C15orf39: variants seen among roughly 807,000 people sequenced by gnomAD.
C15orf39 encodes PRMT2 interacting protein, also known as uncharacterized protein C15orf39.
In C15orf39, 24 loss-of-function variants were observed where a neutral mutation model predicts 53.9. The ratio of observed to expected loss-of-function variants is 0.45; its 90% confidence interval spans 0.32 to 0.63. The LOEUF is 0.63. C15orf39 is among the 20% of genes least tolerant of loss of function. C15orf39 has a pLI of 0.04. For synonymous variants in C15orf39, 569 were observed against 576.5 expected, an observed-to-expected ratio of 0.99 and a Z score of 0.19; for missense variants, 1,271 against 1,347.9, an observed-to-expected ratio of 0.94 and a Z score of 0.89.
At position 75,207,752 on chromosome 15, in the gene C15orf39, TAAG is replaced by T. The variant is rs767899006; in HGVS notation, c.1705_1707del (p.Lys569del). 29 of 1,609,234 alleles carry T rather than the reference TAAG, an allele frequency of 1.8e-5. No homozygotes were observed. The highest frequency in any genetic ancestry group is 6.7e-5 in the East Asian group (3 of 44,804). On this transcript the variant is annotated inframe_deletion, in exon 2 of 3. Transcript: ENST00000394987. ...GGAGTAAACCCCTAAGGGGCTCACT[TAAG>T]GAGGAGGTAGCCCTGGATTTGAGTG...
intron 1 of C15orf39, among the ~76,000 whole-genome samples, chr15:75,205,699 G>T (rs973477248): frequency 2.0e-5 from 3 of 152,120 alleles, no homozygotes; most frequent in Non-Finnish European, 2.9e-5. Context: ...GCAGGCACCT[G>T]TGGTCCCAGC....
At chr15:75,208,953 G>A in intron 2 of C15orf39, 129 bp downstream of exon 2, 1 of 1,426,442 alleles carries the variant, frequency 7.0e-7, no homozygotes, top group South Asian at 1.5e-5. Context: ...GGGGCTTTAG[G>A]ATGAGCTCTA....
chr15:75,207,536 C>G lies in C15orf39; in HGVS notation c.1488C>G (p.Ser496Arg). The G allele has an allele frequency of 3.7e-6, 6 of 1,611,022 alleles. No individual in the cohort carries two copies. Among genetic ancestry groups the G allele is most frequent in the Non-Finnish European group, 4.2e-6 (5 of 1,178,978 alleles). Residue 496 changes from serine (S) to arginine (R), a missense_variant, in exon 2 of 3, where the codon AGC becomes AGG. Ser to Arg is a moderately radical substitution (Grantham distance 110). Around this residue, in one of 2 missense-constraint regions of C15orf39, gnomAD observed 994 missense variants for 993.7 expected, o/e 1.00. Transcript: ENST00000394987. ...LPQKEGARPP[S>R]SPPMPVIDNV... ...AGAAGGAGGGCGCAAGGCCACCCAG[C>G]TCTCCACCAATGCCTGTCATTGACA...
At chr15:75,208,986 C>G in intron 2 of C15orf39, 162 bp downstream of exon 2, 7 of 1,240,172 alleles carry the variant, frequency 5.6e-6, no homozygotes, top group East Asian at 2.6e-5. Context: ...CCTTGACCCT[C>G]CAGACAATCA....
At chr15:75,210,681 C>G in intron 2 of C15orf39, 68 bp from the exon 3 acceptor site, 1 of 1,526,236 alleles carries the variant, frequency 6.6e-7, no homozygotes, top group Non-Finnish European at 8.8e-7. Context: ...GTTTGGATGG[C>G]TTTGGAAGCC....
At position 75,208,213 on chromosome 15, in the gene C15orf39, C is replaced by T. The variant is rs3180088; in HGVS notation, c.2165C>T (p.Ala722Val). Residue 722 changes from alanine to valine, a missense_variant, in exon 2 of 3, where the codon GCT becomes GTT. Ala to Val is a moderately conservative substitution (Grantham distance 64). Transcript: ENST00000394987. Reference protein sequence around the residue: ...PAVAVASPAPAPAPSPAPARA... With the variant: ...PAVAVASPAPVPAPSPAPARA... ...GTAGCTGTGGCCTCCCCTGCCCCTG[C>T]TCCAGCTCCATCCCCTGCTCCGGCT... 9 of 1,613,492 alleles carry T rather than the reference C, an allele frequency of 5.6e-6. No individual in the cohort carries two copies. Among genetic ancestry groups the T allele is most frequent in the Non-Finnish European group, 5.9e-6 (7 of 1,179,914 alleles).
At chr15:75,210,599 A>G in intron 2 of C15orf39, 150 bp from the exon 3 acceptor site, 2 of 1,163,430 alleles carry the variant, frequency 1.7e-6, no homozygotes, top group Non-Finnish European at 2.4e-6. Context: ...TTTTGCTTGG[A>G]TGGTCTGGCC....
intron 2 of C15orf39, among the ~76,000 whole-genome samples, chr15:75,210,007 C>G (rs2070472206): frequency 6.6e-6 from 1 of 152,172 alleles, no homozygotes; most frequent in Non-Finnish European, 1.5e-5. Context: ...GCTGGGCTGC[C>G]CAGCTCAGTC....
chr15:75,205,994 C>T lies in C15orf39; in HGVS notation c.-50-5C>T, dbSNP rs991436850. The T allele has an allele frequency of 1.0e-5, 15 of 1,475,150 alleles. No individual in the cohort carries two copies. The highest frequency in any genetic ancestry group is 3.6e-4 in the Middle Eastern group (2 of 5,558). The allele number at this position is 1,475,150 out of a possible 1,614,324, so 91.4% of individuals were successfully genotyped here. ...ACAGCCCCTGCCTTTCTCTCTCTAT[C>T]CCAGGTCAGAAGTTGAGTAGCAGGG... is the stretch of plus-strand genomic sequence containing the variant. On this transcript the variant is annotated splice_region_variant and splice_polypyrimidine_tract_variant and intron_variant, in intron 1 of 2. Transcript: ENST00000394987.
rs748067403 is a variant in C15orf39 at position 75,207,490 on chromosome 15, G to A, written c.1442G>A (p.Arg481Gln). Residue 481 changes from arginine (R) to glutamine (Q), a missense_variant, in exon 2 of 3, where the codon CGG becomes CAG. This residue lies in a region of C15orf39 where 994 missense variants were observed against 993.7 expected (regional missense o/e 1.00). Transcript: ENST00000394987. ...CTPPALPPCA[R>Q]ECQSLPQKEG... ...CCCCCAGCACTGCCCCCCTGTGCCC[G>A]GGAGTGCCAGTCTCTTCCACAGAAG... The A allele has an allele frequency of 9.9e-6, 16 of 1,613,336 alleles. No homozygotes were observed. The highest frequency in any genetic ancestry group is 3.3e-4 in the Middle Eastern group (2 of 6,060).
rs1313378513 is a variant in C15orf39 at position 75,208,368 on chromosome 15, C to T, written c.2320C>T (p.Leu774=). The change falls in exon 2 of 3, where the codon CTG becomes TTG. Residue 774 remains leucine, a synonymous_variant. Coordinates refer to ENST00000394987, the MANE Select transcript of C15orf39 (RefSeq NM_015492.5). The part of the protein sequence containing the change: ...EQHFTGLHAS[L]CDAISGSVAH... Reference sequence around the variant, plus strand: ...GCATTTTACAGGACTACATGCGTCCCTGTGTGATGCTATTTCTGGCTCCGT... The same window carrying T: ...GCATTTTACAGGACTACATGCGTCCTTGTGTGATGCTATTTCTGGCTCCGT... 6 of 1,595,240 alleles carry T rather than the reference C, an allele frequency of 3.8e-6. No individual in the cohort carries two copies. In the East Asian group the frequency reaches 1.4e-4, roughly 36 times the overall value.
At chr15:75,204,746 A>G (rs2070426745) in intron 1 of C15orf39, among the ~76,000 whole-genome samples, 1 of 152,130 alleles carries the variant, frequency 6.6e-6, no homozygotes, top group Non-Finnish European at 1.5e-5. Flanking sequence ...CTGACCTCAA[A>G]TGATCCGCAC....
chr15:75,200,755 C>T (rs961608592), upstream of C15orf39, among the ~76,000 whole-genome samples: 5 of 152,120 alleles, frequency 3.3e-5, no homozygotes, highest in African/African-American at 9.7e-5. Context: ...GTGTCTCTCC[C>T]TATATGGTTC....
rs770613916 is a variant in C15orf39 at position 75,206,159 on chromosome 15, C to G, written c.111C>G (p.Asn37Lys). ...ACAGCCTGCCCCACTCTGTTGGTAACCAGGATCCCTGCACCTACAAGGGGT... is the reference window on the plus strand; with the variant it reads ...ACAGCCTGCCCCACTCTGTTGGTAAGCAGGATCCCTGCACCTACAAGGGGT... ...LEHSLPHSVG[N>K]QDPCTYKGSY... The change falls in exon 2 of 3, where the codon AAC (asparagine) becomes AAG (lysine). Residue 37 changes from asparagine to lysine, a missense_variant. Physicochemically the swap from Asn to Lys is moderately conservative, Grantham distance 94. This residue lies in a region of C15orf39 where 994 missense variants were observed against 993.7 expected (regional missense o/e 1.00). Coordinates refer to ENST00000394987, the MANE Select transcript of C15orf39 (RefSeq NM_015492.5). 3.1e-6 allele frequency: 5 copies of G among 1,613,926 alleles called. No homozygotes were observed. The highest frequency in any genetic ancestry group is 1.1e-5 in the South Asian group (1 of 91,082).
chr15:75,208,103 A>G lies in C15orf39; in HGVS notation c.2055A>G (p.Thr685=), dbSNP rs763068963. ...CCACACAGCCTGCACCCACCCCCAC[A>G]TCTGGGCCCATTGGACTGCGGATTC... ...PAPTQPAPTP[T]SGPIGLRILA... Residue 685 remains threonine (T), a synonymous_variant, in exon 2 of 3, where the codon ACA becomes ACG. Coordinates refer to ENST00000394987, the MANE Select transcript of C15orf39 (RefSeq NM_015492.5). 7.4e-6 allele frequency: 12 copies of G among 1,613,738 alleles called. 1 individual carries two copies. Among genetic ancestry groups the G allele is most frequent in the Non-Finnish European group, 8.5e-6 (10 of 1,179,954 alleles).
At chr15:75,202,746 C>T (rs2070413088) in intron 1 of C15orf39, among the ~76,000 whole-genome samples, 1 of 151,992 alleles carries the variant, frequency 6.6e-6, no homozygotes, top group Non-Finnish European at 1.5e-5. Flanking sequence ...TCTGGAATGG[C>T]GTGTGTGCAG....
upstream of C15orf39, among the ~76,000 whole-genome samples, chr15:75,199,627 AC>A (rs1278366992): frequency 2.0e-5 from 3 of 152,078 alleles, no homozygotes; most frequent in Non-Finnish European, 4.4e-5. Flanking sequence ...CTGACCTTTT[AC>A]CTTGCATTCC....
chr15:75,206,390 C>T lies in C15orf39; in HGVS notation c.342C>T (p.Pro114=), dbSNP rs767069470. The change falls in exon 2 of 3, where the codon CCC becomes CCT. Residue 114 remains proline, a synonymous_variant. Coordinates refer to ENST00000394987, the MANE Select transcript of C15orf39 (RefSeq NM_015492.5). ...ACTCCAGCCCTGTTGAGCTCCTGCC[C>T]TTCAGTCCCCAGGCTCACTCCTACC... ...MQDSSPVELL[P]FSPQAHSYPG... is the part of the protein sequence containing the mutation. The T allele has an allele frequency of 1.7e-5, 27 of 1,613,908 alleles. No homozygotes were observed. The highest frequency in any genetic ancestry group is 8.9e-5 in the East Asian group (4 of 44,894).
In C15orf39 at chr15:75,205,885, A is replaced by G. The variant is rs2070433766; in HGVS notation, c.-50-114A>G. 4 of 703,994 alleles carry G rather than the reference A, an allele frequency of 5.7e-6. No individual in the cohort carries two copies. In the South Asian group the frequency reaches 7.9e-5, roughly 14 times the overall value. 43.6% of individuals were successfully genotyped at this position (703,994 alleles called of 1,614,324 possible). On this transcript the variant is annotated intron_variant, in intron 1 of 2. Coordinates refer to ENST00000394987, the MANE Select transcript of C15orf39 (RefSeq NM_015492.5). ...GCACTCACAGTCTTAACTGAGCATC[A>G]TTTAAGCGCCAGGTTCTTAGGTGTA...
Sources: gnomAD v4.1 joint callset for allele counts (sites outside exome capture counted in the v4.1 genomes callset) on GRCh38, gnomAD v4.1.1 for gene constraint, gnomAD v4.1.1 regional missense constraint, MANE v1.5 for transcripts, NCBI Gene and HGNC (gene_info 2026-07-23, HGNC 2026-07-21) for gene names.